Variants in ZFPM2 observed in about 807,000 individuals in gnomAD.
The protein encoded by ZFPM2 is zinc finger protein, FOG family member 2, also known as zinc finger protein ZFPM2.
In ZFPM2, 20 loss-of-function variants were observed where a neutral mutation model predicts 98.6. That is an observed-to-expected ratio of 0.20 (90% CI 0.14 to 0.29). The LOEUF is 0.29. Ranked by LOEUF, ZFPM2 falls within the 10% of genes least tolerant of loss-of-function variation. The pLI is 1.00. For missense variants in ZFPM2, 1,310 were observed against 1,388.6 expected (o/e 0.94, Z 0.90); for synonymous variants, 518 against 502.7 (o/e 1.03, Z -0.41).
chr8:105,638,604 G>A (rs1816893232), intron 5 of ZFPM2, among the ~76,000 whole-genome samples: 1 of 152,036 alleles, frequency 6.6e-6, no homozygotes, highest in Non-Finnish European at 1.5e-5. Context: ...AATTGCAGAT[G>A]TGTGACATTT....
intron 3 of ZFPM2, among the ~76,000 whole-genome samples, chr8:105,558,303 A>AT (rs34135841): frequency 6.6e-6 from 1 of 152,134 alleles, no homozygotes; most frequent in Non-Finnish European, 1.5e-5. Context: ...ATAAATGAAT[A>AT]TTTTTATTTA....
chr8:105,790,521 G>A (rs1813576614), intron 6 of ZFPM2, among the ~76,000 whole-genome samples: 5 of 151,992 alleles, frequency 3.3e-5, no homozygotes, highest in Admixed American at 3.3e-4. Context: ...TTGAAGTCAG[G>A]TAGCGTGATG....
chr8:105,490,957 T>C (rs1431580152), intron 3 of ZFPM2, among the ~76,000 whole-genome samples: 1 of 152,158 alleles, frequency 6.6e-6, no homozygotes, highest in Non-Finnish European at 1.5e-5. Context: ...AAATGATAAT[T>C]TTAAAAGGTC....
intron 4 of ZFPM2, among the ~76,000 whole-genome samples, chr8:105,617,078 G>T (rs1184427013): frequency 8.3e-6 from 1 of 119,970 alleles, no homozygotes; most frequent in African/African-American, 3.0e-5. Context: ...ACCATAAATG[G>T]GTAGCAAATG....
At chr8:105,345,321 G>T (rs945729418) in intron 1 of ZFPM2, among the ~76,000 whole-genome samples, 5 of 151,582 alleles carry the variant, frequency 3.3e-5, no homozygotes, top group African/African-American at 1.2e-4. Context: ...TTAGTCTTGT[G>T]CATCTTTTTG....
chr8:105,556,897 A>G (rs1422649614), intron 3 of ZFPM2, among the ~76,000 whole-genome samples: 2 of 151,988 alleles, frequency 1.3e-5, no homozygotes, highest in Non-Finnish European at 2.9e-5. Flanking sequence ...TAATATTTGC[A>G]GTTTTAACAC....
At chr8:105,698,247 A>G (rs1251128688) in intron 5 of ZFPM2, among the ~76,000 whole-genome samples, 3 of 152,162 alleles carry the variant, frequency 2.0e-5, no homozygotes, top group African/African-American at 4.8e-5. Context: ...CTCAATTTCT[A>G]CATTTCTTGG....
chr8:105,724,834 A>G (rs1387124268), intron 5 of ZFPM2, among the ~76,000 whole-genome samples: 1 of 151,648 alleles, frequency 6.6e-6, no homozygotes, highest in Non-Finnish European at 1.5e-5. Context: ...CATTCATGGC[A>G]CACCTATTTC....
Position 105,742,379 on chromosome 8 carries a change from TAA to T in ZFPM2, c.533-46320_533-46319del, listed in dbSNP as rs79123129. Among the ~76,000 whole-genome samples, 403 of 109,670 alleles carry T rather than the reference TAA, an allele frequency of 3.7e-3. 1 individual carries two copies. Among genetic ancestry groups the T allele is most frequent in the Non-Finnish European group, 4.9e-3 (265 of 53,588 alleles). 71.9% of individuals were successfully genotyped at this position (109,670 alleles called of 152,430 possible). A position where few individuals can be genotyped will look rare whatever the true frequency, so the allele number is the denominator to read the frequency against. On this transcript the variant is annotated intron_variant, in intron 5 of 7. Transcript: ENST00000407775. The stretch of plus-strand genomic sequence containing the variant: ...GGCAACAGAGTGAGATCCTGTCTCT[TAA>T]AAAAAAAAAAAAAAAAAAGGTGTTG...
intron 4 of ZFPM2, among the ~76,000 whole-genome samples, chr8:105,622,966 C>T (rs1816582604): frequency 6.6e-6 from 1 of 152,114 alleles, no homozygotes; most frequent in South Asian, 2.1e-4. Context: ...CATCTATAAA[C>T]ATAAACTATT....
At chr8:105,334,231 C>T (rs553899342) in intron 1 of ZFPM2, among the ~76,000 whole-genome samples, 1 of 150,184 alleles carries the variant, frequency 6.7e-6, no homozygotes, top group Non-Finnish European at 1.5e-5. Flanking sequence ...AATTATTTGT[C>T]TTCCCTTAGG....
chr8:105,554,458 T>C (rs1468243994), intron 3 of ZFPM2, among the ~76,000 whole-genome samples: 3 of 152,180 alleles, frequency 2.0e-5, no homozygotes, highest in Admixed American at 6.5e-5. Flanking sequence ...TGAGTGCTTT[T>C]TGAACTCAGC....
intron 5 of ZFPM2, among the ~76,000 whole-genome samples, chr8:105,739,702 G>A (rs948318458): frequency 1.3e-5 from 2 of 151,368 alleles, no homozygotes; most frequent in African/African-American, 4.9e-5. Flanking sequence ...AAGGCACTTC[G>A]CAGCTATAGT....
At chr8:105,785,584 AAAC>A (rs994251592) in intron 5 of ZFPM2, among the ~76,000 whole-genome samples, 1 of 152,190 alleles carries the variant, frequency 6.6e-6, no homozygotes, top group African/African-American at 2.4e-5. Context: ...TGAATTACAT[AAAC>A]CACTTAGCTT....
intron 3 of ZFPM2, among the ~76,000 whole-genome samples, chr8:105,527,331 A>G (rs1814195850): frequency 1.3e-5 from 2 of 152,202 alleles, no homozygotes; most frequent in Admixed American, 1.3e-4. Flanking sequence ...AGAAAAGGGG[A>G]TGTTACCCTT....
chr8:105,519,947 A>G (rs1389983343), intron 3 of ZFPM2, among the ~76,000 whole-genome samples: 2 of 152,114 alleles, frequency 1.3e-5, no homozygotes, highest in Non-Finnish European at 1.5e-5. Context: ...TAGGAAAAAT[A>G]CGTTTGTGCT....
At chr8:105,368,600 T>G (rs1006804900) in intron 1 of ZFPM2, among the ~76,000 whole-genome samples, 1 of 152,216 alleles carries the variant, frequency 6.6e-6, no homozygotes, top group Admixed American at 6.5e-5. Flanking sequence ...TTTATTTCAT[T>G]ATGTAACTGA....
rs75993276 is a variant in ZFPM2 at position 105,541,016 on chromosome 8, G to A, written c.302-20347G>A. Among the ~76,000 whole-genome samples the A allele has an allele frequency of 3.5e-3, 528 of 152,174 alleles. 4 individuals carry two copies. The highest frequency in any genetic ancestry group is 0.012 in the African/African-American group (497 of 41,544). ...AGCTGGCAGTTTTGGTAGTTGTATT[G>A]TTGCAGACTGACCTGTAAGATTCGA... On this transcript the variant is annotated intron_variant, in intron 3 of 7. Transcript: ENST00000407775.
chr8:105,790,076 G>C (rs1425732065), intron 6 of ZFPM2, among the ~76,000 whole-genome samples: 1 of 151,368 alleles, frequency 6.6e-6, no homozygotes, highest in African/African-American at 2.4e-5. Flanking sequence ...CTGTGCAGAA[G>C]CTCTTTAGTT....
Sources: gnomAD v4.1 joint callset for allele counts (sites outside exome capture counted in the v4.1 genomes callset) on GRCh38, gnomAD v4.1.1 for gene constraint, MANE v1.5 for transcripts, NCBI Gene and HGNC (gene_info 2026-07-23, HGNC 2026-07-21) for gene names.